Variants in VWA3B observed in about 807,000 individuals in gnomAD.
The protein encoded by VWA3B is von Willebrand factor A domain containing 3B, also known as von Willebrand factor A domain-containing protein 3B.
Under a neutral mutation model 158.3 loss-of-function variants are expected in VWA3B, and 138 were observed. The ratio of observed to expected loss-of-function variants is 0.87; its 90% CI spans 0.76 to 1.00. The LOEUF is 1.00. Ranked by LOEUF, VWA3B falls within the 50% of genes least tolerant of loss-of-function variation. The probability of loss-of-function intolerance (pLI) is 0.00; values close to 1 mark genes in which losing one functional copy is unlikely to be tolerated. For synonymous variants in VWA3B, 596 were observed against 587.3 expected, an observed-to-expected ratio of 1.01 and a Z score of -0.21; for missense variants, 1,555 against 1,565.1, an observed-to-expected ratio of 0.99 and a Z score of 0.11.
chr2:98,193,074 GTGTAT>G, intron 11 of VWA3B, 38 bp downstream of exon 11: 1 of 1,581,214 alleles, frequency 6.3e-7, no homozygotes. Flanking sequence ...TTGGGGCTTT[GTGTAT>G]CAGATGGTTA....
chr2:98,117,929 G>GTT lies in VWA3B; in HGVS notation c.292-1582_292-1581dup, dbSNP rs538315679. Among the ~76,000 whole-genome samples the GTT allele has an allele frequency of 5.1e-4, 77 of 152,028 alleles. No homozygotes were observed. The East Asian group carries it at 0.013, about 26-fold the overall frequency. ...TTTTTGTATTTTTAGTAGAGATGGG[G>GTT]TTTCACCATGTTGGCCAGGCTGGTC... On this transcript the variant is annotated intron_variant, in intron 3 of 27. Coordinates refer to ENST00000477737, the MANE Select transcript of VWA3B (RefSeq NM_144992.5).
chr2:98,154,258 A>C (rs558499977), intron 7 of VWA3B, among the ~76,000 whole-genome samples: 1 of 152,182 alleles, frequency 6.6e-6, no homozygotes, highest in African/African-American at 2.4e-5. Context: ...AGGGTTGAGG[A>C]GGAGGAGATT....
In VWA3B at chr2:98,163,969, T is replaced by C. The variant is rs543715798; in HGVS notation, c.1114+993T>C. Among the ~76,000 whole-genome samples the C allele has an allele frequency of 8.0e-4, 122 of 152,330 alleles. 4 individuals carry two copies. In the South Asian group the frequency reaches 0.024, roughly 31 times the overall value. ...GCTGAGAAGAGCATTCAGAGGAGCC[T>C]GGCTGAAGGCTGGGCAAGGGGAGAC... On this transcript the variant is annotated intron_variant, in intron 8 of 27. Coordinates refer to ENST00000477737, the MANE Select transcript of VWA3B (RefSeq NM_144992.5).
chr2:98,312,498 C>G lies in VWA3B; in HGVS notation c.*149C>G. The G allele has an allele frequency of 1.1e-6, 1 of 927,002 alleles. No individual in the cohort carries two copies. Among genetic ancestry groups the G allele is most frequent in the East Asian group, 2.7e-5 (1 of 37,472 alleles). 57.4% of individuals were successfully genotyped at this position (927,002 alleles called of 1,614,324 possible). A position where few individuals can be genotyped will look rare whatever the true frequency, so the allele number is the denominator to read the frequency against. On this transcript the variant is annotated 3_prime_UTR_variant, in exon 28 of 28. Coordinates refer to ENST00000477737, the MANE Select transcript of VWA3B (RefSeq NM_144992.5). Reference sequence around the variant, plus strand: ...CCCTGTCTGTAGCAAAGACTCCTCTCCCCTCCATCCCTGCTGCCTCCCCTA... The same window carrying G: ...CCCTGTCTGTAGCAAAGACTCCTCTGCCCTCCATCCCTGCTGCCTCCCCTA...
In VWA3B at chr2:98,228,651, G is replaced by A. The variant is rs1190616053; in HGVS notation, c.2150+319G>A. ...GGAGCTCTGACTCAGGGATCAGGAG[G>A]CCGAGGCCTGGACTTCCCTCTATGT... On this transcript the variant is annotated intron_variant, in intron 15 of 27. Coordinates refer to ENST00000477737, the MANE Select transcript of VWA3B (RefSeq NM_144992.5). Among the ~76,000 whole-genome samples the A allele has an allele frequency of 3.9e-5, 6 of 152,118 alleles. No homozygotes were observed. In the East Asian group the frequency reaches 1.2e-3, roughly 29 times the overall value.
chr2:98,222,596 C>A (rs1454720964), intron 14 of VWA3B, among the ~76,000 whole-genome samples: 1 of 152,132 alleles, frequency 6.6e-6, no homozygotes, highest in Non-Finnish European at 1.5e-5. Context: ...GGGCCAAGGG[C>A]TCTCCTACCC....
At chr2:98,200,236 C>T (rs956338632) in intron 12 of VWA3B, among the ~76,000 whole-genome samples, 10 of 151,946 alleles carry the variant, frequency 6.6e-5, no homozygotes, top group Non-Finnish European at 1.3e-4. Flanking sequence ...AGGCTGGGCG[C>T]GGATATGGAT....
chr2:98,156,383 C>G (rs1395325995), intron 7 of VWA3B, among the ~76,000 whole-genome samples: 1 of 152,196 alleles, frequency 6.6e-6, no homozygotes, highest in Non-Finnish European at 1.5e-5. Context: ...GAGCTGGGAG[C>G]AGATCCATCT....
chr2:98,174,545 G>A (rs1377723017), intron 8 of VWA3B, among the ~76,000 whole-genome samples: 1 of 152,204 alleles, frequency 6.6e-6, no homozygotes, highest in Non-Finnish European at 1.5e-5. Flanking sequence ...GATTAATTTT[G>A]TGGCTGACTA....
chr2:98,221,771 G>A (rs562553017), intron 14 of VWA3B, among the ~76,000 whole-genome samples: 3 of 152,236 alleles, frequency 2.0e-5, no homozygotes, highest in East Asian at 1.9e-4. Context: ...CCAGGGTAGC[G>A]TCCATGGTGC....
chr2:98,236,883 G>GAGA, intron 19 of VWA3B, 153 bp downstream of exon 19: 1 of 1,169,552 alleles, frequency 8.6e-7, no homozygotes, highest in Non-Finnish European at 1.2e-6. Context: ...GAGAGAGAGA[G>GAGA]GCTTTTAAGA....
chr2:98,087,571 ACCGAC>A (rs1190464153), intron 1 of VWA3B, among the ~76,000 whole-genome samples: 1 of 152,068 alleles, frequency 6.6e-6, no homozygotes, highest in African/African-American at 2.4e-5. Context: ...GGGTCAAGGT[ACCGAC>A]CCCTCCTACT....
At chr2:98,105,055 T>A (rs1683343622) in intron 2 of VWA3B, among the ~76,000 whole-genome samples, 1 of 152,216 alleles carries the variant, frequency 6.6e-6, no homozygotes, top group African/African-American at 2.4e-5. Context: ...AACTATACAC[T>A]GCTAAGATCC....
chr2:98,121,418 G>T lies in VWA3B; in HGVS notation c.662G>T (p.Gly221Val). The change falls in exon 5 of 28, where the codon GGC becomes GTC. Residue 221 changes from glycine to valine, a missense_variant. Gly to Val is a moderately radical substitution (Grantham distance 109). Coordinates refer to ENST00000477737, the MANE Select transcript of VWA3B (RefSeq NM_144992.5). ...GTTGAGCTGACTGTGAGCGAGGCTG[G>T]CCGCCTGGATGCTCTGCTGGAAGCC... is the stretch of plus-strand genomic sequence containing the variant. ...LTVELTVSEA[G>V]RLDALLEAGR... is the part of the protein sequence containing the mutation. 1.2e-6 allele frequency: 2 copies of T among 1,614,172 alleles called. No homozygotes were observed. The highest frequency in any genetic ancestry group is 4.5e-5 in the East Asian group (2 of 44,890).
chr2:98,250,731 T>C (rs1686747977), intron 20 of VWA3B, among the ~76,000 whole-genome samples: 2 of 152,026 alleles, frequency 1.3e-5, no homozygotes, highest in South Asian at 4.1e-4. Context: ...CAACAATAAT[T>C]TATTGTACAT....
intron 22 of VWA3B, among the ~76,000 whole-genome samples, chr2:98,287,894 CTGTTA>C (rs1305526470): frequency 6.6e-6 from 1 of 152,106 alleles, no homozygotes; most frequent in African/African-American, 2.4e-5. Flanking sequence ...TCTTTTTCTT[CTGTTA>C]TATCAATTCT....
intron 2 of VWA3B, among the ~76,000 whole-genome samples, chr2:98,112,708 C>T (rs974916000): frequency 6.6e-6 from 1 of 151,642 alleles, no homozygotes; most frequent in Non-Finnish European, 1.5e-5. Context: ...TGGAAATTTT[C>T]AACTATTATT....
intron 6 of VWA3B, among the ~76,000 whole-genome samples, chr2:98,130,460 G>A (rs929891547): frequency 2.6e-5 from 4 of 152,106 alleles, no homozygotes; most frequent in African/African-American, 9.7e-5. Context: ...CCCTTCCCAC[G>A]AGGCCATATT....
chr2:98,320,975 C>T, the VWA3B span, among the ~76,000 whole-genome samples: 33 of 152,224 alleles, frequency 2.2e-4, no homozygotes, highest in African/African-American at 5.1e-4. Flanking sequence ...AGGCGTAGGA[C>T]GGAAAAAATG....
Sources: allele counts gnomAD v4.1 joint callset (sites outside exome capture counted in the v4.1 genomes callset), GRCh38; gene constraint gnomAD v4.1.1; transcripts MANE v1.5; gene names NCBI Gene and HGNC (gene_info 2026-07-23, HGNC 2026-07-21).